Variants in DEAF1 observed in about 807,000 individuals in gnomAD.
DEAF1 encodes DEAF1 transcription factor.
DEAF1 carries 53 observed loss-of-function variants against 58.9 expected under a neutral mutation model. That is an observed-to-expected ratio of 0.90 (90% CI 0.72 to 1.13). The LOEUF (loss-of-function observed/expected upper bound fraction) is 1.13. Among genes scored for constraint, DEAF1 ranks in the 50% most tolerant of loss-of-function variants. The pLI is 0.00. For synonymous variants in DEAF1, 385 were observed against 340.4 expected (o/e 1.13, Z -1.44); for missense variants, 685 against 791.4 (o/e 0.87, Z 1.61).
intron 10 of DEAF1, chr11:654,730 G>T (rs904599869): frequency 3.3e-5 from 14 of 423,908 alleles, no homozygotes; most frequent in South Asian, 1.8e-4. Context: ...TTAGCTGGGT[G>T]TGGTGGTGGC....
chr11:704,656 A>C, intron 1 of DEAF1: 1 of 1,288,460 alleles, frequency 7.8e-7, no homozygotes, highest in Non-Finnish European at 1.0e-6. Context: ...ATGGATCCTG[A>C]TACCTCCAGT....
At chr11:697,023 G>C (rs893958021), upstream of DEAF1, among the ~76,000 whole-genome samples, 1 of 145,550 alleles carries the variant, frequency 6.9e-6, no homozygotes, top group Non-Finnish European at 1.5e-5. Context: ...GGTGGGGGGG[G>C]TGGGGTGCGG....
chr11:648,793 C>T (rs1049440855), intron 11 of DEAF1, among the ~76,000 whole-genome samples: 1 of 152,100 alleles, frequency 6.6e-6, no homozygotes, highest in Non-Finnish European at 1.5e-5. Context: ...TTTAAAGATA[C>T]TGTTTAAAAA....
At chr11:692,948 C>CCGGCATG (rs948442074) in intron 1 of DEAF1, among the ~76,000 whole-genome samples, 1 of 152,212 alleles carries the variant, frequency 6.6e-6, no homozygotes, top group Non-Finnish European at 1.5e-5. Context: ...ACCACAAGCC[C>CCGGCATG]CGGCATGCGG....
chr11:651,407 T>C, intron 11 of DEAF1: 1 of 294,316 alleles, frequency 3.4e-6, no homozygotes, highest in Non-Finnish European at 6.3e-6. Context: ...AGACTCCATC[T>C]CTGTAAGAAA....
intron 10 of DEAF1, among the ~76,000 whole-genome samples, chr11:656,718 G>A (rs1012406653): frequency 2.6e-5 from 4 of 152,228 alleles, no homozygotes; most frequent in African/African-American, 4.8e-5. Context: ...ACACCAGGAC[G>A]TCCTGTACTT....
intron 7 of DEAF1, 134 bp from the exon 8 acceptor site, chr11:679,950 T>G: frequency 8.1e-7 from 1 of 1,235,488 alleles, no homozygotes; most frequent in Non-Finnish European, 1.1e-6. Flanking sequence ...TACCCTCCCA[T>G]GTGAAGGACA....
intron 1 of DEAF1, chr11:704,977 AGCAGGATCACG>A (rs1199142035): frequency 1.0e-4 from 30 of 295,994 alleles, no homozygotes; most frequent in Non-Finnish European, 1.9e-4. Context: ...TCATGCATGG[AGCAGGATCACG>A]GCAGGTTCCT....
At chr11:673,983 T>G (rs1859943099) in intron 10 of DEAF1, 1 of 186,922 alleles carries the variant, frequency 5.3e-6, no homozygotes, top group Admixed American at 5.4e-5. Context: ...AAGTGACCTT[T>G]TGCTTGTGCT....
chr11:691,638 C>T, intron 1 of DEAF1, 40 bp from the exon 2 acceptor site: 1 of 1,581,168 alleles, frequency 6.3e-7, no homozygotes, highest in Non-Finnish European at 8.7e-7. Context: ...CAACAAAAGC[C>T]AGAATGGACA....
chr11:668,013 G>A (rs1859634407), intron 10 of DEAF1, among the ~76,000 whole-genome samples: 1 of 152,176 alleles, frequency 6.6e-6, no homozygotes, highest in African/African-American at 2.4e-5. Context: ...TCAGGAGGCT[G>A]AGGCAGGAGA....
At chr11:691,389 T>C (rs1038744005) in intron 2 of DEAF1, 112 bp downstream of exon 2, 1 of 989,192 alleles carries the variant, frequency 1.0e-6, no homozygotes, top group Non-Finnish European at 1.5e-6. Flanking sequence ...CCTCCCCAGC[T>C]CACAGAGCAG....
At position 644,890 on chromosome 11, in the gene DEAF1, CG is replaced by C. The variant is rs1293825948; in HGVS notation, c.1594-237del. 6.6e-6 allele frequency among the ~76,000 whole-genome samples: 1 copy of C among 152,184 alleles called. No homozygotes were observed. The highest frequency in any genetic ancestry group is 1.9e-4 in the East Asian group (1 of 5,198). ...CAAAAGGCAAACAACAGGCAGGGCACGGTGGCTCACGCCTGTAATCCCAACA... is the reference window on the plus strand; with the variant it reads ...CAAAAGGCAAACAACAGGCAGGGCACGTGGCTCACGCCTGTAATCCCAACA... On this transcript the variant is annotated intron_variant, in intron 11 of 11. Coordinates refer to ENST00000382409, the MANE Select transcript of DEAF1 (RefSeq NM_021008.4). The surrounding 1 kb of genome is among the most constrained non-coding windows in gnomAD (Gnocchi z 4.3).
Position 695,134 on chromosome 11 carries a change from C to A in DEAF1, c.-87G>T. ...AGCCCGAAGCGGGGCCCGAAGAGGA[C>A]GCCCGAGCTGGGCCGAGGCCGCCCG... On this transcript the variant is annotated 5_prime_UTR_variant, in exon 1 of 12. Coordinates refer to ENST00000382409, the MANE Select transcript of DEAF1 (RefSeq NM_021008.4). 1.6e-6 allele frequency: 2 copies of A among 1,261,152 alleles called. No individual in the cohort carries two copies. The highest frequency in any genetic ancestry group is 1.0e-6 in the Non-Finnish European group (1 of 974,528). 78.1% of individuals were successfully genotyped at this position (1,261,152 alleles called of 1,614,324 possible). A position where few individuals can be genotyped will look rare whatever the true frequency, so the allele number is the denominator to read the frequency against.
At chr11:657,552 C>CG (rs1564928298) in intron 10 of DEAF1, among the ~76,000 whole-genome samples, 3 of 152,152 alleles carry the variant, frequency 2.0e-5, no homozygotes, top group Non-Finnish European at 4.4e-5. Flanking sequence ...GAGAAGCCCC[C>CG]CCACGGCCGT....
At chr11:657,556 C>T (rs933980857) in intron 10 of DEAF1, among the ~76,000 whole-genome samples, 5 of 152,182 alleles carry the variant, frequency 3.3e-5, no homozygotes, top group East Asian at 1.9e-4. Flanking sequence ...AGCCCCCCCA[C>T]GGCCGTGGAC....
chr11:660,253 A>G (rs1186343481), intron 10 of DEAF1, among the ~76,000 whole-genome samples: 1 of 152,266 alleles, frequency 6.6e-6, no homozygotes, highest in Non-Finnish European at 1.5e-5. Flanking sequence ...TTAGTCTAAT[A>G]GCATCTTTTT....
chr11:670,903 G>C (rs1445197846), intron 10 of DEAF1, among the ~76,000 whole-genome samples: 1 of 133,232 alleles, frequency 7.5e-6, no homozygotes, highest in Non-Finnish European at 1.5e-5. Context: ...TCAGCCTCTT[G>C]ACTGGCATGT....
At chr11:691,083 G>A (rs1045590739) in intron 2 of DEAF1, among the ~76,000 whole-genome samples, 1 of 152,266 alleles carries the variant, frequency 6.6e-6, no homozygotes, top group East Asian at 1.9e-4. Context: ...TCAGGCGTGG[G>A]AGACTGCACC....
Sources: allele counts gnomAD v4.1 joint callset (sites outside exome capture counted in the v4.1 genomes callset), GRCh38; gene constraint gnomAD v4.1.1; non-coding constraint Gnocchi (gnomAD v3.1); transcripts MANE v1.5; gene names NCBI Gene and HGNC (gene_info 2026-07-23, HGNC 2026-07-21).